DYM: variants seen among roughly 807,000 people sequenced by gnomAD.
The protein encoded by DYM is dyggve-Melchior-Clausen syndrome protein.
DYM carries 78 observed loss-of-function variants against 93.1 expected under a neutral mutation model. The observed-to-expected ratio is 0.84, with a 90% CI of 0.70 to 1.01. DYM has a LOEUF of 1.01. DYM is among the 50% of genes least tolerant of loss of function. The pLI is 0.00. For missense variants in DYM, 789 were observed against 845.0 expected, an observed-to-expected ratio of 0.93 and a Z score of 0.82; for synonymous variants, 321 against 319.7, an observed-to-expected ratio of 1.00 and a Z score of -0.04.
intron 15 of DYM, among the ~76,000 whole-genome samples, chr18:49,149,577 G>C (rs1269283487): frequency 1.3e-5 from 2 of 151,996 alleles, no homozygotes; most frequent in Admixed American, 6.6e-5. Flanking sequence ...CATTAGAACA[G>C]AGGCTTCATG....
At chr18:49,052,064 C>T (rs1263888820) in intron 17 of DYM, among the ~76,000 whole-genome samples, 1 of 152,230 alleles carries the variant, frequency 6.6e-6, no homozygotes, top group African/African-American at 2.4e-5. Flanking sequence ...GGTAATCGCA[C>T]TCTGTTTGTT....
intron 2 of DYM, among the ~76,000 whole-genome samples, chr18:49,404,632 A>T: frequency 6.6e-6 from 1 of 152,168 alleles, no homozygotes; most frequent in East Asian, 1.9e-4. Flanking sequence ...TGAGATGGCA[A>T]ATCACTGCGG....
intron 1 of DYM, among the ~76,000 whole-genome samples, chr18:49,436,433 G>C (rs1445270137): frequency 2.6e-5 from 4 of 152,174 alleles, no homozygotes; most frequent in Admixed American, 6.5e-5. Context: ...ACTCTGAGGA[G>C]TATACAACAG....
At chr18:49,074,943 T>TGAGA (rs1467643120) in intron 17 of DYM, among the ~76,000 whole-genome samples, 1 of 152,118 alleles carries the variant, frequency 6.6e-6, no homozygotes, top group Admixed American at 6.5e-5. Context: ...TCACTAATGT[T>TGAGA]GAGACTACTA....
At chr18:49,305,476 T>C (rs1190596269) in intron 8 of DYM, among the ~76,000 whole-genome samples, 1 of 152,182 alleles carries the variant, frequency 6.6e-6, no homozygotes, top group Non-Finnish European at 1.5e-5. Context: ...TACCTCTTTG[T>C]AACTGAAAGA....
chr18:49,290,513 ATATTT>A lies in DYM; in HGVS notation c.764-3902_764-3898del, dbSNP rs1568183475. 3.3e-5 allele frequency among the ~76,000 whole-genome samples: 5 copies of A among 152,094 alleles called. No individual in the cohort carries two copies. The East Asian group carries it at 9.6e-4, about 29-fold the overall frequency. On this transcript the variant is annotated intron_variant, in intron 8 of 17. Coordinates refer to ENST00000675505, the MANE Select transcript of DYM (RefSeq NM_001353214.3). ...AGTTTAATTTTTCCCCAGTAATAATATATTTATTTCTTTAAAAATAAATGTAAAAG... is the reference window on the plus strand; with the variant it reads ...AGTTTAATTTTTCCCCAGTAATAATAATTTCTTTAAAAATAAATGTAAAAG...
chr18:49,114,523 A>G (rs2081746140), intron 16 of DYM: 13 of 982,778 alleles, frequency 1.3e-5, no homozygotes, highest in South Asian at 4.7e-5. Context: ...GGTCCTTTCT[A>G]CTTCCTCACC....
intron 14 of DYM, among the ~76,000 whole-genome samples, chr18:49,167,626 T>C (rs1009428023): frequency 1.2e-4 from 18 of 152,188 alleles, no homozygotes; most frequent in Admixed American, 8.5e-4. Flanking sequence ...TAACTTTTGC[T>C]TAAAGCTTTG....
At chr18:49,114,828 G>A (rs558858617) in intron 16 of DYM, among the ~76,000 whole-genome samples, 3 of 152,184 alleles carry the variant, frequency 2.0e-5, no homozygotes, top group East Asian at 1.9e-4. Context: ...TACTAAGAAC[G>A]TTCCTCATTG....
intron 2 of DYM, among the ~76,000 whole-genome samples, chr18:49,397,286 A>G (rs956507108): frequency 1.3e-5 from 2 of 152,226 alleles, no homozygotes; most frequent in Non-Finnish European, 2.9e-5. Context: ...AATGCTTCAC[A>G]TTTGTTTAAC....
Position 49,152,468 on chromosome 18 carries a change from A to G in DYM, c.1728+11217T>C, listed in dbSNP as rs561477272. On this transcript the variant is annotated intron_variant, in intron 15 of 17. Coordinates refer to ENST00000675505, the MANE Select transcript of DYM (RefSeq NM_001353214.3). Reference sequence around the variant, plus strand: ...GTCAGGCCTGGCTTTTCATAAGGAAAAAAGTGGTAGGGTCAGGGGGGATGA... The same window carrying G: ...GTCAGGCCTGGCTTTTCATAAGGAAGAAAGTGGTAGGGTCAGGGGGGATGA... Among the ~76,000 whole-genome samples the G allele has an allele frequency of 2.6e-5, 4 of 152,294 alleles. No homozygotes were observed. In the South Asian group the frequency reaches 8.3e-4, roughly 32 times the overall value.
At position 49,255,508 on chromosome 18, in the gene DYM, A is replaced by G. The variant is rs575175263; in HGVS notation, c.1460+1502T>C. Reference sequence around the variant, plus strand: ...ACCAACATGGTGAAACCCTGTCTCTACTAAAAATACAAAAATTAGCCAGGC... The same window carrying G: ...ACCAACATGGTGAAACCCTGTCTCTGCTAAAAATACAAAAATTAGCCAGGC... On this transcript the variant is annotated intron_variant, in intron 13 of 17. Transcript: ENST00000675505. Among the ~76,000 whole-genome samples, 10 of 152,166 alleles carry G rather than the reference A, an allele frequency of 6.6e-5. No homozygotes were observed. The South Asian group carries it at 1.7e-3, about 25-fold the overall frequency.
At chr18:49,277,213 A>G (rs1041252096) in intron 10 of DYM, among the ~76,000 whole-genome samples, 7 of 152,224 alleles carry the variant, frequency 4.6e-5, no homozygotes, top group Admixed American at 1.3e-4. Flanking sequence ...GACTGCAAAT[A>G]CAGAACTGAA....
chr18:49,402,605 A>T (rs534258742), intron 2 of DYM, among the ~76,000 whole-genome samples: 1 of 152,238 alleles, frequency 6.6e-6, no homozygotes, highest in African/African-American at 2.4e-5. Context: ...CATAATCTTT[A>T]AAAATTCTTG....
intron 13 of DYM, among the ~76,000 whole-genome samples, chr18:49,240,304 T>TG (rs2093980101): frequency 6.6e-6 from 1 of 152,148 alleles, no homozygotes; most frequent in African/African-American, 2.4e-5. Context: ...AAAATATTAA[T>TG]GAGAACCCCA....
intron 13 of DYM, among the ~76,000 whole-genome samples, chr18:49,253,017 A>G (rs528108120): frequency 6.6e-6 from 1 of 152,336 alleles, no homozygotes; most frequent in African/African-American, 2.4e-5. Flanking sequence ...GTCATTAAGT[A>G]TGAGCAACAG....
chr18:49,081,205 C>CAA lies in DYM; in HGVS notation c.2025+16196_2025+16197insTT, dbSNP rs1287965961. ...TGAGATCACGCCAGTGCACTCCAGC[C>CAA]TGGGCACCATTGAGCACTGAGTGAA... On this transcript the variant is annotated intron_variant, in intron 17 of 17. Coordinates refer to ENST00000675505, the MANE Select transcript of DYM (RefSeq NM_001353214.3). 2.0e-5 allele frequency among the ~76,000 whole-genome samples: 3 copies of CAA among 150,398 alleles called. No homozygotes were observed. The East Asian group carries it at 5.9e-4, about 30-fold the overall frequency.
chr18:49,204,410 T>G (rs2092358494), intron 14 of DYM, among the ~76,000 whole-genome samples: 1 of 152,228 alleles, frequency 6.6e-6, no homozygotes, highest in Non-Finnish European at 1.5e-5. Flanking sequence ...TAGCCCTTCA[T>G]TTTTCCTTGC....
intron 10 of DYM, among the ~76,000 whole-genome samples, chr18:49,279,026 G>T (rs185282681): frequency 2.0e-5 from 3 of 152,220 alleles, no homozygotes; most frequent in Admixed American, 2.0e-4. Context: ...GCCCTCTTAT[G>T]CCCTGTTCTT....
Sources: allele counts gnomAD v4.1 joint callset (sites outside exome capture counted in the v4.1 genomes callset), GRCh38; gene constraint gnomAD v4.1.1; transcripts MANE v1.5; gene names NCBI Gene and HGNC (gene_info 2026-07-23, HGNC 2026-07-21).